The following GNLY variants were observed in gnomAD, a reference collection of about 807,000 sequenced individuals.
The protein encoded by GNLY is T-cell activation protein 519.
A neutral mutation model predicts 18.5 loss-of-function variants in GNLY; 15 were observed. That is an observed-to-expected ratio of 0.81 (90% CI 0.54 to 1.25). The LOEUF is 1.25. Among genes scored for constraint, GNLY ranks in the 50% most tolerant of loss-of-function variants. The pLI, the probability that GNLY is intolerant of heterozygous loss-of-function variation, is 0.00. For synonymous variants in GNLY, 77 were observed against 74.9 expected, an observed-to-expected ratio of 1.03 and a Z score of -0.14; for missense variants, 178 against 186.9, an observed-to-expected ratio of 0.95 and a Z score of 0.28.
Position 85,695,978 on chromosome 2 carries a change from A to C in GNLY, c.177A>C (p.Thr59=). The C allele has an allele frequency of 6.2e-7, 1 of 1,609,948 alleles. No individual in the cohort carries two copies. The highest frequency in any genetic ancestry group is 8.5e-7 in the Non-Finnish European group (1 of 1,176,244). ...EGPQGDLLTK[T]QELGRDYRTC... ...GACAGGGTGACCTGTTGACCAAAAC[A>C]CAGGAGCTGGGCCGTGACTACAGGA... Residue 59 remains threonine, a synonymous_variant, in exon 3 of 5, where the codon ACA becomes ACC. Coordinates refer to ENST00000263863, the MANE Select transcript of GNLY (RefSeq NM_006433.5).
intron 1 of GNLY, chr2:85,694,746 T>A: frequency 7.0e-7 from 1 of 1,438,594 alleles, no homozygotes; most frequent in Non-Finnish European, 9.1e-7. Context: ...CCCCTTTCCC[T>A]CCCAAGCCCC....
intron 1 of GNLY, 112 bp from the exon 2 acceptor site, chr2:85,695,208 C>A: frequency 1.2e-6 from 1 of 866,262 alleles, no homozygotes; most frequent in South Asian, 1.5e-5. Context: ...CCCTGCAAGG[C>A]CCAGCTCCTG....
Position 85,698,555 on chromosome 2 carries a change from C to T in GNLY, c.428-9C>T. The T allele has an allele frequency of 6.2e-7, 1 of 1,613,032 alleles. No individual in the cohort carries two copies. The highest frequency in any genetic ancestry group is 8.5e-7 in the Non-Finnish European group (1 of 1,179,224). On this transcript the variant is annotated splice_polypyrimidine_tract_variant and intron_variant, in intron 4 of 4. Transcript: ENST00000263863. Reference sequence around the variant, plus strand: ...ATCTGCCCACAGCTGGCTGTTCTCTCCTCTCCAGGTCCCCTCTGAGCCCTC... The same window carrying T: ...ATCTGCCCACAGCTGGCTGTTCTCTTCTCTCCAGGTCCCCTCTGAGCCCTC...
At chr2:85,694,517 G>A (rs561344812) in intron 1 of GNLY, 47 bp downstream of exon 1, 35 of 1,560,978 alleles carry the variant, frequency 2.2e-5, no homozygotes, top group East Asian at 9.0e-5. Flanking sequence ...ACCCAGCCTC[G>A]CACTCTCAGG....
chr2:85,698,233 C>T (rs1057464165), intron 4 of GNLY, among the ~76,000 whole-genome samples: 1 of 152,240 alleles, frequency 6.6e-6, no homozygotes, highest in African/African-American at 2.4e-5. Flanking sequence ...CAGGCTGTGC[C>T]TGGAGAGAAC....
chr2:85,695,099 G>A (rs1259564387), intron 1 of GNLY: 26 of 1,168,544 alleles, frequency 2.2e-5, no homozygotes, highest in African/African-American at 3.1e-5. Context: ...AGAGAGTCTC[G>A]CCCTCCTGGC....
chr2:85,697,296 C>T, intron 3 of GNLY: 1 of 567,094 alleles, frequency 1.8e-6, no homozygotes, highest in Admixed American at 3.1e-5. Flanking sequence ...GTCCTTGTCT[C>T]AGGAGCCCTA....
chr2:85,698,577 C>T lies in GNLY; in HGVS notation c.*3C>T, dbSNP rs2104449993. On this transcript the variant is annotated 3_prime_UTR_variant, in exon 5 of 5. Transcript: ENST00000263863. The stretch of plus-strand genomic sequence containing the variant: ...TCTCCTCTCCAGGTCCCCTCTGAGC[C>T]CTCTCACCTTGTCCTGTGGAAGAAG... 6.2e-7 allele frequency: 1 copy of T among 1,613,354 alleles called. No homozygotes were observed. Among genetic ancestry groups the T allele is most frequent in the African/African-American group, 1.3e-5 (1 of 75,000 alleles).
chr2:85,696,719 T>G (rs1169869715), intron 3 of GNLY: 1 of 152,412 alleles, frequency 6.6e-6, no homozygotes, highest in African/African-American at 2.4e-5. Context: ...TTTGTACTTT[T>G]GTAGAAACAG....
intron 3 of GNLY, 62 bp from the exon 4 acceptor site, chr2:85,697,444 G>A: frequency 1.4e-6 from 2 of 1,449,228 alleles, no homozygotes. Flanking sequence ...GGAACCTGCA[G>A]GGTGGCAGAG....
At chr2:85,696,291 C>T (rs906984474) in intron 3 of GNLY, 11 of 475,994 alleles carry the variant, frequency 2.3e-5, no homozygotes, top group South Asian at 2.1e-4. Context: ...TGGTTTTCAT[C>T]ATGTATCCTC....
chr2:85,696,102 G>A lies in GNLY; in HGVS notation c.255+46G>A, dbSNP rs764681570. 26 of 1,113,180 alleles carry A rather than the reference G, an allele frequency of 2.3e-5. No individual in the cohort carries two copies. In the South Asian group the frequency reaches 3.2e-4, roughly 14 times the overall value. 69.0% of individuals were successfully genotyped at this position (1,113,180 alleles called of 1,614,324 possible). A position where few individuals can be genotyped will look rare whatever the true frequency, so the allele number is the denominator to read the frequency against. On this transcript the variant is annotated intron_variant, in intron 3 of 4. Transcript: ENST00000263863. ...AGCCTCCTGTCTGCTGCTCAATGGA[G>A]GGGCCAGCCTGTGACCAGGTCGGGG...
intron 1 of GNLY, 108 bp from the exon 2 acceptor site, chr2:85,695,212 G>A: frequency 1.1e-6 from 1 of 881,930 alleles, no homozygotes; most frequent in Non-Finnish European, 1.8e-6. Context: ...GCAAGGCCCA[G>A]CTCCTGTCCT....
chr2:85,696,183 G>C, intron 3 of GNLY, 127 bp downstream of exon 3: 1 of 615,372 alleles, frequency 1.6e-6, no homozygotes, highest in Admixed American at 2.9e-5. Flanking sequence ...CTTCCTAGAA[G>C]GGAATCTGTG....
intron 3 of GNLY, 139 bp from the exon 4 acceptor site, chr2:85,697,367 A>C: frequency 1.3e-6 from 1 of 741,606 alleles, no homozygotes; most frequent in Non-Finnish European, 2.3e-6. Flanking sequence ...CCGTCTGTAC[A>C]GTCTCTGGCC....
rs575665889 is a variant in GNLY at position 85,694,807 on chromosome 2, C to T, written c.52+337C>T. 8.8e-4 allele frequency: 1,279 copies of T among 1,454,536 alleles called. 1 individual carries two copies. Among genetic ancestry groups the T allele is most frequent in the Admixed American group, 1.3e-3 (48 of 36,906 alleles). 90.1% of individuals were successfully genotyped at this position (1,454,536 alleles called of 1,614,324 possible). On this transcript the variant is annotated intron_variant, in intron 1 of 4. Coordinates refer to ENST00000263863, the MANE Select transcript of GNLY (RefSeq NM_006433.5). The stretch of plus-strand genomic sequence containing the variant: ...CCATTGGCCCTCATCGGTGGATCTG[C>T]GTTTCCTCGGGCCTACACTGTCTAG...
intron 3 of GNLY, chr2:85,696,537 C>CG (rs1678458995): frequency 7.4e-6 from 1 of 135,100 alleles, no homozygotes; most frequent in Non-Finnish European, 1.7e-5. Context: ...GTTGTCAAAC[C>CG]CTTTTTTTTT....
rs1230162903 is a variant in GNLY at position 85,697,488 on chromosome 2, G to C, written c.256-18G>C. 2 of 1,610,234 alleles carry C rather than the reference G, an allele frequency of 1.2e-6. No individual in the cohort carries two copies. The highest frequency in any genetic ancestry group is 1.3e-5 in the African/African-American group (1 of 74,828). ...GACTCACCCTATAACCATGTCCACT[G>C]TGGTGCTGCTGCTGCAGAGAAGTGT... On this transcript the variant is annotated intron_variant, in intron 3 of 4. Transcript: ENST00000263863.
chr2:85,698,357 A>G, intron 4 of GNLY: 1 of 797,142 alleles, frequency 1.3e-6, no homozygotes, highest in Non-Finnish European at 2.1e-6. Flanking sequence ...GGGGGTCCCC[A>G]CCATTTCCTG....
Sources: allele counts gnomAD v4.1 joint callset (sites outside exome capture counted in the v4.1 genomes callset), GRCh38; gene constraint gnomAD v4.1.1; transcripts MANE v1.5; gene names NCBI Gene and HGNC (gene_info 2026-07-23, HGNC 2026-07-21).